FERMT2: variants seen among roughly 807,000 people sequenced by gnomAD.
The protein encoded by FERMT2 is fermitin family homolog 2.
In FERMT2, 15 loss-of-function variants were observed where a neutral mutation model predicts 82.7. The ratio of observed to expected loss-of-function variants is 0.18; its 90% CI spans 0.12 to 0.28. The LOEUF (loss-of-function observed/expected upper bound fraction) is 0.28, where lower values mean the gene tolerates loss of function less well. FERMT2 is among the 10% of genes least tolerant of loss of function. The probability of loss-of-function intolerance (pLI) is 1.00; values close to 1 mark genes in which losing one functional copy is unlikely to be tolerated. For missense variants in FERMT2, 645 were observed against 809.4 expected (o/e 0.80, Z 2.46); for synonymous variants, 274 against 271.5 (o/e 1.01, Z -0.09).
At chr14:52,895,295 G>C (rs1887194754) in intron 3 of FERMT2, among the ~76,000 whole-genome samples, 1 of 152,172 alleles carries the variant, frequency 6.6e-6, no homozygotes, top group South Asian at 2.1e-4. Flanking sequence ...TTTGAAAACA[G>C]CTCAGCAATT....
At chr14:52,925,558 C>CAAAAAAAAAAAAAAAAAAAAAAAAAAA (rs761894753) in intron 2 of FERMT2, among the ~76,000 whole-genome samples, 1 of 55,640 alleles carries the variant, frequency 1.8e-5, no homozygotes, top group Non-Finnish European at 3.9e-5. Flanking sequence ...GACTCTGTCT[C>CAAAAAAAAAAAAAAAAAAAAAAAAAAA]AAAAAAAAAA....
At chr14:52,882,538 A>T (rs1392567138) in intron 4 of FERMT2, among the ~76,000 whole-genome samples, 1 of 152,196 alleles carries the variant, frequency 6.6e-6, no homozygotes, top group Non-Finnish European at 1.5e-5. Flanking sequence ...CAGCTCCCCC[A>T]AGTCCTAGCT....
chr14:52,893,902 C>A (rs970809341), intron 3 of FERMT2, among the ~76,000 whole-genome samples: 4 of 151,504 alleles, frequency 2.6e-5, no homozygotes, highest in African/African-American at 9.7e-5. Context: ...AATCTCGGCT[C>A]GCCACAACCT....
intron 4 of FERMT2, among the ~76,000 whole-genome samples, chr14:52,892,647 C>G (rs1887012811): frequency 6.6e-6 from 1 of 151,484 alleles, no homozygotes; most frequent in Admixed American, 6.6e-5. Context: ...TTAGTAGAGA[C>G]AGGGTTTCAC....
chr14:52,906,528 TAGTC>T (rs1379335724), intron 3 of FERMT2, among the ~76,000 whole-genome samples: 2 of 133,898 alleles, frequency 1.5e-5, no homozygotes, highest in Non-Finnish European at 3.1e-5. Context: ...TAATGACACA[TAGTC>T]AGGAGTAAAG....
intron 3 of FERMT2, among the ~76,000 whole-genome samples, chr14:52,897,210 C>A (rs957692023): frequency 6.6e-6 from 1 of 152,106 alleles, no homozygotes; most frequent in East Asian, 1.9e-4. Flanking sequence ...GCATAATATT[C>A]TATGTAAATA....
intron 4 of FERMT2, among the ~76,000 whole-genome samples, chr14:52,888,339 C>T (rs961803080): frequency 7.9e-5 from 12 of 152,138 alleles, no homozygotes; most frequent in African/African-American, 2.9e-4. Flanking sequence ...ATGTCTTAAT[C>T]AAGGCAGCCC....
chr14:52,883,426 C>T (rs1432110320), intron 4 of FERMT2, among the ~76,000 whole-genome samples: 2 of 152,202 alleles, frequency 1.3e-5, no homozygotes, highest in African/African-American at 2.4e-5. Context: ...GGTATTTCTG[C>T]TACAGAGTGT....
chr14:52,925,883 A>G (rs1231185089), intron 2 of FERMT2, among the ~76,000 whole-genome samples: 4 of 152,112 alleles, frequency 2.6e-5, no homozygotes, highest in Non-Finnish European at 5.9e-5. Flanking sequence ...ACCTCAAGTG[A>G]TCCAACCCCC....
rs778516631 is a variant in FERMT2, at chr14:52,919,268, A to G, written c.246T>C (p.Tyr82=). The part of the protein sequence containing the change: ...LLKTHWTLDK[Y]GIQADAKLQF... ...GAAGCTTAGCATCTGCCTGAATACCATACTTATCTAAGGTCCAATGTGTCT... is the reference window on the plus strand; with the variant it reads ...GAAGCTTAGCATCTGCCTGAATACCGTACTTATCTAAGGTCCAATGTGTCT... Residue 82 remains tyrosine, a synonymous_variant, in exon 3 of 15, where the codon TAT becomes TAC. Coordinates refer to ENST00000341590, the MANE Select transcript of FERMT2 (RefSeq NM_006832.3). 18 of 1,613,978 alleles carry G rather than the reference A, an allele frequency of 1.1e-5. No individual in the cohort carries two copies. In the South Asian group the frequency reaches 1.9e-4, roughly 17 times the overall value.
chr14:52,881,622 T>C (rs1290231634), intron 4 of FERMT2, among the ~76,000 whole-genome samples, 153 bp from the exon 5 acceptor site: 2 of 152,210 alleles, frequency 1.3e-5, no homozygotes, highest in African/African-American at 2.4e-5. Flanking sequence ...TATGAAAACA[T>C]GTGTAATTAA....
At chr14:52,915,926 T>C (rs1478177685) in intron 3 of FERMT2, among the ~76,000 whole-genome samples, 1 of 152,236 alleles carries the variant, frequency 6.6e-6, no homozygotes, top group East Asian at 1.9e-4. Flanking sequence ...ATATGTCCAC[T>C]TGAAAGCCTG....
intron 3 of FERMT2, among the ~76,000 whole-genome samples, chr14:52,911,543 A>C (rs1353114570): frequency 2.6e-5 from 4 of 151,704 alleles, no homozygotes; most frequent in African/African-American, 9.7e-5. Flanking sequence ...CCCAGCTACT[A>C]GGGAGGCTGA....
At chr14:52,949,391 A>G (rs1425472274) in intron 2 of FERMT2, among the ~76,000 whole-genome samples, 1 of 85,416 alleles carries the variant, frequency 1.2e-5, no homozygotes. Context: ...AAAAAAAAAG[A>G]AAAAAAAAAA....
intron 14 of FERMT2, chr14:52,859,334 C>T (rs1226825929): frequency 7.5e-6 from 3 of 397,796 alleles, no homozygotes; most frequent in Non-Finnish European, 1.3e-5. Flanking sequence ...CGGCTTTATC[C>T]ATTACAGAAA....
Position 52,893,261 on chromosome 14 carries a change from A to T in FERMT2, c.526+32T>A, listed in dbSNP as rs138137240. On this transcript the variant is annotated intron_variant, in intron 4 of 14. Transcript: ENST00000341590. ...CAAAGGTACACAGTCCACAGTTCTT[A>T]CTTTGAGTCCATTGCTTGGTAAAAG... 228 of 1,570,606 alleles carry T rather than the reference A, an allele frequency of 1.5e-4. No individual in the cohort carries two copies. The African/African-American group carries it at 2.6e-3, about 18-fold the overall frequency.
At chr14:52,926,411 AACACACACACACAC>A (rs34726532) in intron 2 of FERMT2, among the ~76,000 whole-genome samples, 8,249 of 147,002 alleles carry the variant, frequency 0.056, 256 homozygotes, top group African/African-American at 0.085. Context: ...GACCAAGTGC[AACACACACACACAC>A]ACACACACAC....
At chr14:52,893,666 C>T (rs571775552) in intron 3 of FERMT2, among the ~76,000 whole-genome samples, 1 of 151,776 alleles carries the variant, frequency 6.6e-6, no homozygotes, top group Non-Finnish European at 1.5e-5. Context: ...TACTAGGGTA[C>T]GGAAAGAAAA....
chr14:52,901,106 A>C (rs1887605700), intron 3 of FERMT2, among the ~76,000 whole-genome samples: 1 of 3,160 alleles, frequency 3.2e-4, no homozygotes, highest in African/African-American at 9.2e-4. Flanking sequence ...CTAAAAATAC[A>C]AAAAAAAAAA....
Sources: allele counts gnomAD v4.1 joint callset (sites outside exome capture counted in the v4.1 genomes callset), GRCh38; gene constraint gnomAD v4.1.1; transcripts MANE v1.5; gene names NCBI Gene and HGNC (gene_info 2026-07-23, HGNC 2026-07-21).